Variants in RPS6KA2 observed in about 807,000 individuals in gnomAD.
RPS6KA2 encodes ribosomal protein S6 kinase alpha-2.
In RPS6KA2, 42 loss-of-function variants were observed where a neutral mutation model predicts 91.8. The ratio of observed to expected loss-of-function variants is 0.46; its 90% CI spans 0.36 to 0.59. RPS6KA2 has a LOEUF of 0.59. Ranked by LOEUF, RPS6KA2 falls within the 20% of genes least tolerant of loss-of-function variation. The pLI is 0.00. For synonymous variants in RPS6KA2, 414 were observed against 393.6 expected (o/e 1.05, Z -0.61); for missense variants, 798 against 978.5 (o/e 0.82, Z 2.46).
intron 3 of RPS6KA2, among the ~76,000 whole-genome samples, chr6:166,514,936 G>C (rs1248967256): frequency 6.6e-6 from 1 of 152,168 alleles, no homozygotes; most frequent in African/African-American, 2.4e-5. Flanking sequence ...TTCTCGGCCT[G>C]TTGAGTGCTG....
chr6:166,611,825 A>G (rs1583325466), intron 1 of RPS6KA2, among the ~76,000 whole-genome samples: 2 of 152,222 alleles, frequency 1.3e-5, no homozygotes, highest in African/African-American at 4.8e-5. Context: ...GCCACTGGGC[A>G]GGGATCTCAG....
rs1785176735 is a variant in RPS6KA2, at chr6:166,586,429, T to G, written c.99+40492A>C. The G allele has an allele frequency of 1.9e-6, 3 of 1,599,976 alleles. No individual in the cohort carries two copies. The East Asian group carries it at 6.7e-5, about 36-fold the overall frequency. ...TCCTTGTCATTTTCTGTGAATCTACTAGCAAACATCTCTTCAAAATTTGGA... is the reference window on the plus strand; with the variant it reads ...TCCTTGTCATTTTCTGTGAATCTACGAGCAAACATCTCTTCAAAATTTGGA... On this transcript the variant is annotated intron_variant, in intron 1 of 20. Transcript: ENST00000265678.
intron 3 of RPS6KA2, among the ~76,000 whole-genome samples, chr6:166,520,162 A>C (rs1003029045): frequency 1.6e-4 from 25 of 151,932 alleles, no homozygotes; most frequent in African/African-American, 5.8e-4. Flanking sequence ...AAACCATTGC[A>C]CTCCTCTCCC....
At position 166,459,463 on chromosome 6, in the gene RPS6KA2, G is replaced by C; in HGVS notation, c.1061C>G (p.Ala354Gly). The change falls in exon 12 of 21, where the codon GCG (alanine) becomes GGG (glycine). Residue 354 changes from alanine to glycine, a missense_variant. Transcript: ENST00000265678. This position sits in a 1 kb window ranked among gnomAD's most constrained non-coding sequence, Gnocchi z 4.9. ...DTFHFDPEFT[A>G]RTPTDSPGVP... ...GTGGCACACACCTGTGGGCGTCCGCGCTGTGAACTCGGGGTCAAAGTGGAA... is the reference window on the plus strand; with the variant it reads ...GTGGCACACACCTGTGGGCGTCCGCCCTGTGAACTCGGGGTCAAAGTGGAA... 1.2e-5 allele frequency: 19 copies of C among 1,613,476 alleles called. No homozygotes were observed. The highest frequency in any genetic ancestry group is 1.6e-5 in the Non-Finnish European group (19 of 1,179,466).
At chr6:166,803,490 T>C (rs1448313427) in intron 2 of RPS6KA2, among the ~76,000 whole-genome samples, 4 of 152,270 alleles carry the variant, frequency 2.6e-5, no homozygotes, top group African/African-American at 9.6e-5. Context: ...CCACATGTTA[T>C]GAGGCCCAAA....
chr6:166,718,312 G>C (rs900494112), intron 2 of RPS6KA2, among the ~76,000 whole-genome samples: 3 of 152,154 alleles, frequency 2.0e-5, no homozygotes, highest in Non-Finnish European at 2.9e-5. Context: ...GGCTGGCATG[G>C]GGGGAGGTTA....
At chr6:166,599,095 G>A (rs1785641815) in intron 1 of RPS6KA2, among the ~76,000 whole-genome samples, 1 of 152,258 alleles carries the variant, frequency 6.6e-6, no homozygotes, top group Non-Finnish European at 1.5e-5. Flanking sequence ...GTCACCTGGT[G>A]CGTGCCATAT....
At chr6:166,428,845 A>C (rs1431042636) in intron 16 of RPS6KA2, among the ~76,000 whole-genome samples, 7 of 151,290 alleles carry the variant, frequency 4.6e-5, no homozygotes, top group Admixed American at 2.6e-4. Flanking sequence ...GTGGGACTGT[A>C]AACTAGTTCA....
At chr6:166,602,031 G>A (rs1028672308) in intron 1 of RPS6KA2, among the ~76,000 whole-genome samples, 1 of 152,182 alleles carries the variant, frequency 6.6e-6, no homozygotes, top group East Asian at 1.9e-4. Context: ...AACTAAAAGA[G>A]GCAGAGAAAA....
At chr6:166,804,757 G>A (rs1460518009) in intron 2 of RPS6KA2, among the ~76,000 whole-genome samples, 1 of 151,730 alleles carries the variant, frequency 6.6e-6, no homozygotes, top group Non-Finnish European at 1.5e-5. Flanking sequence ...TCTCACTGTG[G>A]GGAAATTAAA....
At chr6:166,441,769 G>A (rs1779525340) in intron 14 of RPS6KA2, among the ~76,000 whole-genome samples, 2 of 152,252 alleles carry the variant, frequency 1.3e-5, no homozygotes, top group African/African-American at 4.8e-5. Context: ...AGGAGCCGGG[G>A]CTAGTGCTGC....
At chr6:166,536,161 C>T (rs1218948488) in intron 2 of RPS6KA2, among the ~76,000 whole-genome samples, 2 of 152,220 alleles carry the variant, frequency 1.3e-5, no homozygotes, top group Non-Finnish European at 2.9e-5. Context: ...CAGTGACAGG[C>T]AACTATGAGC....
chr6:166,839,280 C>T (rs537995594), intron 2 of RPS6KA2, among the ~76,000 whole-genome samples: 2 of 152,188 alleles, frequency 1.3e-5, no homozygotes, highest in East Asian at 3.9e-4. Context: ...TGCATTGTTC[C>T]GTGAATTCAT....
At chr6:166,714,821 T>C (rs1008623206) in intron 2 of RPS6KA2, among the ~76,000 whole-genome samples, 8 of 152,208 alleles carry the variant, frequency 5.3e-5, no homozygotes, top group Admixed American at 6.5e-5. Flanking sequence ...TGGAACTTTG[T>C]TTACCACAGC....
intron 12 of RPS6KA2, among the ~76,000 whole-genome samples, chr6:166,457,530 A>G (rs1452206207): frequency 6.6e-6 from 1 of 152,188 alleles, no homozygotes. Context: ...ATCAGTGATG[A>G]ACCAAAGCTA....
intron 1 of RPS6KA2, among the ~76,000 whole-genome samples, chr6:166,595,007 CT>C (rs1259605899): frequency 6.6e-6 from 1 of 152,044 alleles, no homozygotes; most frequent in African/African-American, 2.4e-5. Context: ...AGTTCTTGGT[CT>C]TGGTTTTCTC....
chr6:166,609,121 G>A (rs1036305396), intron 1 of RPS6KA2, among the ~76,000 whole-genome samples: 4 of 152,172 alleles, frequency 2.6e-5, no homozygotes, highest in African/African-American at 9.7e-5. Flanking sequence ...AGGAGGTTGT[G>A]ACTCAGTTCC....
At chr6:166,622,211 C>T (rs189137466) in intron 1 of RPS6KA2, among the ~76,000 whole-genome samples, 1 of 151,890 alleles carries the variant, frequency 6.6e-6, no homozygotes, top group Admixed American at 6.6e-5. Context: ...CTTTTCACAT[C>T]GTTTAAAAAA....
intron 2 of RPS6KA2, chr6:166,757,600 G>A: frequency 2.2e-6 from 1 of 456,244 alleles, no homozygotes; most frequent in Non-Finnish European, 4.4e-6. Context: ...AGGTCCCGGG[G>A]GCCGGGCTCC....
Sources: gnomAD v4.1 joint callset for allele counts (sites outside exome capture counted in the v4.1 genomes callset) on GRCh38, gnomAD v4.1.1 for gene constraint, Gnocchi (gnomAD v3.1) non-coding constraint, MANE v1.5 for transcripts, NCBI Gene and HGNC (gene_info 2026-07-23, HGNC 2026-07-21) for gene names.